Variants in C16orf78 observed in about 807,000 individuals in gnomAD.
C16orf78 encodes uncharacterized protein C16orf78.
A neutral mutation model predicts 27.3 loss-of-function variants in C16orf78; 19 were observed. The observed-to-expected ratio is 0.70, with a 90% CI of 0.49 to 1.02. The LOEUF (loss-of-function observed/expected upper bound fraction) is 1.02. C16orf78 is among the 50% of genes least tolerant of loss of function. The pLI, the probability that C16orf78 is intolerant of heterozygous loss-of-function variation, is 0.00. For synonymous variants in C16orf78, 130 were observed against 116.1 expected, an observed-to-expected ratio of 1.12 and a Z score of -0.77; for missense variants, 339 against 337.0, an observed-to-expected ratio of 1.01 and a Z score of -0.05.
intron 3 of C16orf78, among the ~76,000 whole-genome samples, chr16:49,385,438 C>T (rs1038380670): frequency 7.9e-5 from 12 of 152,004 alleles, no homozygotes; most frequent in African/African-American, 1.7e-4. Flanking sequence ...TTTGGGAGGC[C>T]GAGTGGTTGG....
intron 3 of C16orf78, among the ~76,000 whole-genome samples, chr16:49,385,672 G>A (rs1965341842): frequency 6.7e-6 from 1 of 150,154 alleles, no homozygotes; most frequent in Non-Finnish European, 1.5e-5. Context: ...AAAAAAAAAT[G>A]TTTTGTACAA....
chr16:49,394,342 T>C (rs1468612059), intron 3 of C16orf78, among the ~76,000 whole-genome samples: 1 of 152,144 alleles, frequency 6.6e-6, no homozygotes, highest in Non-Finnish European at 1.5e-5. Context: ...AAATGTACAA[T>C]GTCTGAAATG....
At chr16:49,379,780 A>G (rs1458349664) in intron 3 of C16orf78, among the ~76,000 whole-genome samples, 1 of 152,216 alleles carries the variant, frequency 6.6e-6, no homozygotes, top group Non-Finnish European at 1.5e-5. Context: ...TTTTCTTTGC[A>G]ACATTTCTGT....
chr16:49,396,705 T>TG, intron 4 of C16orf78, 27 bp downstream of exon 4: 2 of 1,596,692 alleles, frequency 1.3e-6, no homozygotes, highest in South Asian at 1.1e-5. Flanking sequence ...CCTGGGCAGA[T>TG]GGGGTGGGGT....
At chr16:49,398,814 T>A (rs1191559976) in intron 4 of C16orf78, among the ~76,000 whole-genome samples, 1 of 152,236 alleles carries the variant, frequency 6.6e-6, no homozygotes, top group African/African-American at 2.4e-5. Flanking sequence ...TTTATTTATA[T>A]AGCTTTTCTT....
intron 4 of C16orf78, among the ~76,000 whole-genome samples, chr16:49,398,522 T>A (rs534212001): frequency 2.0e-5 from 3 of 152,250 alleles, no homozygotes; most frequent in Non-Finnish European, 4.4e-5. Flanking sequence ...CCTGCAACAT[T>A]GCTCAGCGAT....
At chr16:49,385,049 A>G (rs1203632501) in intron 3 of C16orf78, among the ~76,000 whole-genome samples, 1 of 152,222 alleles carries the variant, frequency 6.6e-6, no homozygotes, top group Admixed American at 6.5e-5. Context: ...GAGTTCCTCA[A>G]GCTGAAATAA....
intron 1 of C16orf78, among the ~76,000 whole-genome samples, chr16:49,376,765 G>A: frequency 6.6e-6 from 1 of 152,128 alleles, no homozygotes; most frequent in East Asian, 1.9e-4. Flanking sequence ...ACCTTATGAA[G>A]TAGGTCCTAC....
At chr16:49,390,162 C>G (rs1039701303) in intron 3 of C16orf78, among the ~76,000 whole-genome samples, 2 of 152,124 alleles carry the variant, frequency 1.3e-5, no homozygotes, top group Non-Finnish European at 2.9e-5. Flanking sequence ...TTTCCTCTGG[C>G]TTCTAAGATT....
chr16:49,384,022 T>G (rs1411143325), intron 3 of C16orf78, among the ~76,000 whole-genome samples: 1 of 151,832 alleles, frequency 6.6e-6, no homozygotes, highest in Non-Finnish European at 1.5e-5. Context: ...TTGGACAAAA[T>G]GAATTCAGCA....
At chr16:49,398,457 T>C (rs1238670320) in intron 4 of C16orf78, among the ~76,000 whole-genome samples, 1 of 152,200 alleles carries the variant, frequency 6.6e-6, no homozygotes, top group East Asian at 1.9e-4. Context: ...TCTAAATCAA[T>C]GGTCTGATTT....
chr16:49,382,998 A>G (rs1174797630), intron 3 of C16orf78, among the ~76,000 whole-genome samples: 1 of 152,258 alleles, frequency 6.6e-6, no homozygotes, highest in African/African-American at 2.4e-5. Flanking sequence ...CAAGGATGCC[A>G]GCAGGTCAGG....
intron 3 of C16orf78, among the ~76,000 whole-genome samples, chr16:49,387,358 G>A (rs981335994): frequency 6.6e-6 from 1 of 151,894 alleles, no homozygotes; most frequent in African/African-American, 2.4e-5. Context: ...TTAGACCTTT[G>A]TCAGATGCAT....
At chr16:49,397,987 A>G (rs531472745) in intron 4 of C16orf78, among the ~76,000 whole-genome samples, 1 of 152,236 alleles carries the variant, frequency 6.6e-6, no homozygotes, top group East Asian at 1.9e-4. Flanking sequence ...GCTGGTCTTG[A>G]ACTCCTATTC....
At chr16:49,381,527 C>T (rs1596922234) in intron 3 of C16orf78, among the ~76,000 whole-genome samples, 1 of 152,068 alleles carries the variant, frequency 6.6e-6, no homozygotes, top group East Asian at 1.9e-4. Context: ...TGACAAAGGG[C>T]TAATATCCAG....
intron 1 of C16orf78, among the ~76,000 whole-genome samples, chr16:49,376,246 G>A (rs1306039065): frequency 6.6e-6 from 1 of 152,206 alleles, no homozygotes; most frequent in African/African-American, 2.4e-5. Context: ...ACTGCTCATG[G>A]TATTTCCCCC....
At chr16:49,398,277 G>T (rs1000762322) in intron 4 of C16orf78, among the ~76,000 whole-genome samples, 3 of 152,156 alleles carry the variant, frequency 2.0e-5, no homozygotes, top group Non-Finnish European at 4.4e-5. Context: ...CCCATAGTCT[G>T]TGGCAAAGTA....
Position 49,377,803 on chromosome 16 carries a change from A to G in C16orf78, c.223A>G (p.Met75Val). 1 of 1,592,592 alleles carries G rather than the reference A, an allele frequency of 6.3e-7. No homozygotes were observed. Among genetic ancestry groups the G allele is most frequent in the South Asian group, 1.1e-5 (1 of 87,418 alleles). The change falls in exon 2 of 5, where the codon ATG becomes GTG. Residue 75 changes from methionine to valine, a missense_variant. By Grantham distance (21) the Met-to-Val change is conservative (BLOSUM62 1). Coordinates refer to ENST00000299191, the MANE Select transcript of C16orf78 (RefSeq NM_144602.4). ...GGAAGAGAAGAAAGGCAAAGGCCTC[A>G]TGACAGCACGGGGAGGGAACCGCAG... is the stretch of plus-strand genomic sequence containing the variant. ...KKEEKKGKGL[M>V]TARGGNRRDT...
In C16orf78 at chr16:49,388,152, A is replaced by G. The variant is rs181773845; in HGVS notation, c.395-8271A>G. Among the ~76,000 whole-genome samples the G allele has an allele frequency of 1.6e-3, 241 of 152,140 alleles. 1 individual carries two copies. The highest frequency in any genetic ancestry group is 5.5e-3 in the African/African-American group (230 of 41,524). ...AAAAAAAATTTTTTTTTAAAAACCC[A>G]CAACTCCTGGATTCCTTGATCTTGC... On this transcript the variant is annotated intron_variant, in intron 3 of 4. Transcript: ENST00000299191.
Sources: gnomAD v4.1 joint callset for allele counts (sites outside exome capture counted in the v4.1 genomes callset) on GRCh38, gnomAD v4.1.1 for gene constraint, MANE v1.5 for transcripts, NCBI Gene and HGNC (gene_info 2026-07-23, HGNC 2026-07-21) for gene names.